WT1: variants seen among roughly 807,000 people sequenced by gnomAD.
The protein encoded by WT1 is Wilms tumor protein.
Under a neutral mutation model 60.8 loss-of-function variants are expected in WT1, and 8 were observed. The observed-to-expected ratio is 0.13, with a 90% confidence interval of 0.08 to 0.24. WT1 has a LOEUF of 0.24. WT1 is among the 10% of genes least tolerant of loss of function. The pLI is 1.00. For synonymous variants in WT1, 312 were observed against 297.1 expected (o/e 1.05, Z -0.52); for missense variants, 568 against 711.8 (o/e 0.80, Z 2.30).
At position 32,435,345 on chromosome 11, in the gene WT1, G is replaced by C. The variant is rs1402339303; in HGVS notation, c.16C>G (p.Leu6Val). The C allele has an allele frequency of 2.6e-6, 4 of 1,529,428 alleles. No homozygotes were observed. In the African/African-American group the frequency reaches 5.5e-5, roughly 21 times the overall value. The allele number at this position is 1,529,428 out of a possible 1,614,324, so 94.7% of individuals were successfully genotyped here. A position where few individuals can be genotyped will look rare whatever the true frequency, so the allele number is the denominator to read the frequency against. The change falls in exon 1 of 10, where the codon CTG (leucine) becomes GTG (valine). Residue 6 changes from leucine to valine, a missense_variant. Leu to Val is a conservative substitution (Grantham distance 32). This residue lies in a region of WT1 where 523 missense variants were observed against 565.1 expected (regional missense o/e 0.93). Transcript: ENST00000452863. ...ACACACGTGGAAGCCGGGTCCTGCA[G>C]CAAGAGGAAGTCCAGGATCGCGGCG...
Position 32,435,378 on chromosome 11 carries a change from G to C in WT1, c.-18C>G. ...AAGTCCAGGATCGCGGCGAGGAGAC[G>C]GCGGGGCCCGGGCGCCTGGGCTGCC... is the stretch of plus-strand genomic sequence containing the variant. On this transcript the variant is annotated 5_prime_UTR_variant, in exon 1 of 10. Coordinates refer to ENST00000452863, the MANE Select transcript of WT1 (RefSeq NM_024426.6). 1 of 1,522,296 alleles carries C rather than the reference G, an allele frequency of 6.6e-7. No homozygotes were observed. Among genetic ancestry groups the C allele is most frequent in the South Asian group, 1.2e-5 (1 of 83,368 alleles). The allele number at this position is 1,522,296 out of a possible 1,614,324, so 94.3% of individuals were successfully genotyped here.
At chr11:32,428,086 C>A (rs1437420256) in intron 2 of WT1, 28 bp from the exon 3 acceptor site, 3 of 1,569,932 alleles carry the variant, frequency 1.9e-6, no homozygotes, top group South Asian at 1.2e-5. Context: ...GACAGCTGAG[C>A]GAGTGCGCCC....
At chr11:32,427,410 C>CCCGATCT (rs1209897223) in intron 3 of WT1, among the ~76,000 whole-genome samples, 1 of 152,230 alleles carries the variant, frequency 6.6e-6, no homozygotes, top group African/African-American at 2.4e-5. Flanking sequence ...CCTGTTGCGA[C>CCCGATCT]CCGATCTCCG....
intron 5 of WT1, among the ~76,000 whole-genome samples, chr11:32,403,665 C>A (rs950334023): frequency 2.0e-5 from 3 of 151,016 alleles, no homozygotes; most frequent in African/African-American, 4.9e-5. Flanking sequence ...ACCCCCGCCT[C>A]CTGGGTTCAC....
intron 6 of WT1, among the ~76,000 whole-genome samples, chr11:32,399,156 CAAAA>C (rs890562481): frequency 3.7e-5 from 2 of 54,370 alleles, no homozygotes; most frequent in Non-Finnish European, 3.7e-5. Context: ...ACTCCCATCT[CAAAA>C]AAAAAAAAAA....
intron 3 of WT1, among the ~76,000 whole-genome samples, chr11:32,420,680 T>C (rs1250168825): frequency 2.6e-5 from 4 of 151,940 alleles, no homozygotes; most frequent in Non-Finnish European, 5.9e-5. Context: ...TTACCATTTA[T>C]ATAATAATAA....
At chr11:32,400,342 C>T in intron 5 of WT1, 1 of 476,894 alleles carries the variant, frequency 2.1e-6, no homozygotes, top group South Asian at 2.0e-5. Context: ...GGGTTTCATC[C>T]TCGGCAAGTT....
At chr11:32,422,993 A>G (rs533419232) in intron 3 of WT1, among the ~76,000 whole-genome samples, 1 of 152,358 alleles carries the variant, frequency 6.6e-6, no homozygotes, top group East Asian at 1.9e-4. Context: ...TGAGGATCAT[A>G]TGTGAAGTCG....
chr11:32,404,009 C>T (rs897807170), intron 5 of WT1, among the ~76,000 whole-genome samples: 1 of 152,100 alleles, frequency 6.6e-6, no homozygotes, highest in African/African-American at 2.4e-5. Context: ...CATGGTGGCT[C>T]ACGCCTGTAA....
chr11:32,399,807 A>T, intron 6 of WT1, 141 bp downstream of exon 6: 3 of 890,146 alleles, frequency 3.4e-6, no homozygotes, highest in Non-Finnish European at 3.6e-6. Context: ...GGGGACGAGC[A>T]GGTGTCCCTG....
intron 6 of WT1, among the ~76,000 whole-genome samples, chr11:32,399,688 T>C (rs577525782): frequency 6.6e-6 from 1 of 152,284 alleles, no homozygotes; most frequent in East Asian, 1.9e-4. Flanking sequence ...AGAAGTCAAA[T>C]GGAGCAGTAA....
At chr11:32,403,979 A>T (rs1852234510) in intron 5 of WT1, among the ~76,000 whole-genome samples, 2 of 151,468 alleles carry the variant, frequency 1.3e-5, no homozygotes, top group Admixed American at 6.6e-5. Flanking sequence ...CATCCTCTAA[A>T]CTCAGTGACT....
At chr11:32,432,020 T>C (rs796128403) in intron 1 of WT1, among the ~76,000 whole-genome samples, 14 of 152,312 alleles carry the variant, frequency 9.2e-5, no homozygotes, top group African/African-American at 2.9e-4. Context: ...CTTGCAAAGG[T>C]TCTCGAGGCC....
intron 5 of WT1, among the ~76,000 whole-genome samples, chr11:32,408,514 T>TAAAAAAAAAAA (rs58685266): frequency 2.2e-4 from 16 of 74,236 alleles, no homozygotes; most frequent in African/African-American, 2.8e-4. Flanking sequence ...GACTACGTCT[T>TAAAAAAAAAAA]AAAAAAAAAA....
intron 1 of WT1, chr11:32,430,657 G>C (rs1336144967): frequency 6.7e-7 from 1 of 1,487,778 alleles, no homozygotes; most frequent in East Asian, 2.5e-5. Context: ...CCACTCTCGA[G>C]ACGTCCGTCC....
At chr11:32,402,695 C>T (rs755896377) in intron 5 of WT1, among the ~76,000 whole-genome samples, 2 of 152,196 alleles carry the variant, frequency 1.3e-5, no homozygotes, top group Non-Finnish European at 2.9e-5. Flanking sequence ...ATAGGTGCCC[C>T]GCACCATGCC....
intron 7 of WT1, among the ~76,000 whole-genome samples, chr11:32,393,091 C>T (rs1590333343): frequency 6.6e-6 from 1 of 152,122 alleles, no homozygotes; most frequent in East Asian, 1.9e-4. Flanking sequence ...CAGAGCCTGG[C>T]ATAGAAGGCG....
chr11:32,430,615 C>T (rs1853269709), intron 1 of WT1: 1 of 1,556,532 alleles, frequency 6.4e-7, no homozygotes, highest in Admixed American at 1.8e-5. Context: ...TGTCCGTGCC[C>T]GGCGAGGGCC....
At position 32,430,887 on chromosome 11, in the gene WT1, C is replaced by T. The variant is rs528915633; in HGVS notation, c.662-2268G>A. 20 of 1,154,032 alleles carry T rather than the reference C, an allele frequency of 1.7e-5. No individual in the cohort carries two copies. The South Asian group carries it at 7.3e-4, about 42-fold the overall frequency. The allele number at this position is 1,154,032 out of a possible 1,614,324, so 71.5% of individuals were successfully genotyped here. ...CGGGTTTGATTAGAGCGCGCTGTCC[C>T]TGGGCCCAGCGCTTGGCCTGGCGCG... On this transcript the variant is annotated intron_variant, in intron 1 of 9. Transcript: ENST00000452863.
Sources: gnomAD v4.1 joint callset for allele counts (sites outside exome capture counted in the v4.1 genomes callset) on GRCh38, gnomAD v4.1.1 for gene constraint, gnomAD v4.1.1 regional missense constraint, MANE v1.5 for transcripts, NCBI Gene and HGNC (gene_info 2026-07-23, HGNC 2026-07-21) for gene names.